The following ADNP variants were observed in gnomAD, a reference collection of about 807,000 sequenced individuals.
ADNP encodes the protein activity dependent neuroprotector homeobox.
Under a neutral mutation model 84.9 loss-of-function variants are expected in ADNP, and 4 were observed. The ratio of observed to expected loss-of-function variants is 0.05; its 90% CI spans 0.02 to 0.11. ADNP has a LOEUF of 0.11. Among genes scored for constraint, ADNP ranks in the 10% least tolerant of loss-of-function variants. The probability of loss-of-function intolerance (pLI) is 1.00; values close to 1 mark genes in which losing one functional copy is unlikely to be tolerated. For missense variants in ADNP, 1,132 were observed against 1,326.0 expected (o/e 0.85, Z 2.27); for synonymous variants, 554 against 468.1 (o/e 1.18, Z -2.37).
intron 2 of ADNP, among the ~76,000 whole-genome samples, chr20:50,909,223 G>A (rs1040852771): frequency 2.0e-5 from 3 of 151,666 alleles, no homozygotes; most frequent in Admixed American, 2.0e-4. Context: ...AATTAGCTGG[G>A]CATGGTGGCA....
chr20:50,914,514 T>G (rs1474239170), intron 2 of ADNP: 1 of 287,500 alleles, frequency 3.5e-6, no homozygotes, highest in Non-Finnish European at 6.8e-6. Context: ...TTCAAAGTCT[T>G]ATAAACATGT....
At chr20:50,907,167 C>T (rs1982564848) in intron 2 of ADNP, among the ~76,000 whole-genome samples, 1 of 151,438 alleles carries the variant, frequency 6.6e-6, no homozygotes, top group South Asian at 2.1e-4. Flanking sequence ...GGGGTTTCAC[C>T]GTTTAGCCAG....
At chr20:50,894,871 T>C (rs376428137) in intron 5 of ADNP, among the ~76,000 whole-genome samples, 4 of 152,182 alleles carry the variant, frequency 2.6e-5, no homozygotes, top group Non-Finnish European at 5.9e-5. Context: ...CACTCCAGCC[T>C]GGGCGACAAG....
intron 5 of ADNP, among the ~76,000 whole-genome samples, chr20:50,897,402 A>G (rs1981517070): frequency 6.9e-6 from 1 of 145,364 alleles, no homozygotes; most frequent in Non-Finnish European, 1.5e-5. Context: ...TCACCAGTCA[A>G]TTCCTCAGGA....
Position 50,903,991 on chromosome 20 carries a change from G to A in ADNP, c.6C>T (p.Phe2=). The change falls in exon 4 of 6, where the codon TTC becomes TTT. Residue 2 remains phenylalanine, a synonymous_variant. Coordinates refer to ENST00000621696, the MANE Select transcript of ADNP (RefSeq NM_001282531.3). ...TGCCAAGATTGTTGACAGGAAGTTG[G>A]AACATAGTTTCTATTGGAAAAAAAA... The part of the protein sequence containing the change: M[F]QLPVNNLGSL... 1.2e-6 allele frequency: 2 copies of A among 1,612,154 alleles called. No individual in the cohort carries two copies. Among genetic ancestry groups the A allele is most frequent in the South Asian group, 2.2e-5 (2 of 90,564 alleles).
At chr20:50,930,153 T>G (rs191083604) in intron 1 of ADNP, among the ~76,000 whole-genome samples, 1 of 152,176 alleles carries the variant, frequency 6.6e-6, no homozygotes, top group East Asian at 1.9e-4. Context: ...TTTGCAGCTC[T>G]CTGGATTTCC....
chr20:50,907,120 C>A (rs1982562308), intron 2 of ADNP, among the ~76,000 whole-genome samples: 3 of 148,088 alleles, frequency 2.0e-5, no homozygotes, highest in Admixed American at 2.0e-4. Flanking sequence ...GGCGCCACCA[C>A]CATGCCCAGC....
rs150900514 is a variant in ADNP at position 50,891,971 on chromosome 20, C to T, written c.2743G>A (p.Val915Ile). The change falls in exon 6 of 6, where the codon GTA becomes ATA. Residue 915 changes from valine to isoleucine, a missense_variant. Physicochemically the swap from Val to Ile is conservative, Grantham distance 29. Coordinates refer to ENST00000621696, the MANE Select transcript of ADNP (RefSeq NM_001282531.3). The stretch of plus-strand genomic sequence containing the variant: ...GATTCTGAAGCATCCTCAGGAATTA[C>T]CTTCAGTACATGTTCCTCTGGGTTA... ...NDNPEEHVLK[V>I]IPEDASESEE... 2.5e-3 allele frequency: 4,052 copies of T among 1,614,196 alleles called. 7 individuals carry two copies. The highest frequency in any genetic ancestry group is 2.7e-3 in the Non-Finnish European group (3,243 of 1,180,024).
At chr20:50,920,554 TAAAAA>T (rs577700827) in intron 2 of ADNP, among the ~76,000 whole-genome samples, 1 of 129,836 alleles carries the variant, frequency 7.7e-6, no homozygotes, top group Admixed American at 7.8e-5. Context: ...TGGACTCCAT[TAAAAA>T]AAAAAAAAAA....
intron 2 of ADNP, among the ~76,000 whole-genome samples, chr20:50,921,244 T>G (rs1397053095): frequency 6.6e-6 from 1 of 152,298 alleles, no homozygotes; most frequent in South Asian, 2.1e-4. Context: ...TCAGATGTGG[T>G]TGCCATAACA....
chr20:50,929,119 A>C (rs940480044), intron 1 of ADNP, among the ~76,000 whole-genome samples: 1 of 152,164 alleles, frequency 6.6e-6, no homozygotes, highest in Admixed American at 6.5e-5. Context: ...ACTCTCAAAG[A>C]ATTGGAAAGA....
At position 50,930,643 on chromosome 20, in the gene ADNP, C is replaced by T. The variant is rs538103266; in HGVS notation, c.-265+183G>A. On this transcript the variant is annotated intron_variant, in intron 1 of 5. Transcript: ENST00000621696. ...GAGCAGAGTCGGGTAGCGGTCCGTG[C>T]CGGGACGGGGGACCCGTCGGCGCCG... Among the ~76,000 whole-genome samples, 1,250 of 152,102 alleles carry T rather than the reference C, an allele frequency of 8.2e-3. 17 individuals carry two copies. Among genetic ancestry groups the T allele is most frequent in the African/African-American group, 0.028 (1,182 of 41,528 alleles).
chr20:50,929,510 G>A (rs1456470604), intron 1 of ADNP, among the ~76,000 whole-genome samples: 1 of 152,174 alleles, frequency 6.6e-6, no homozygotes, highest in Non-Finnish European at 1.5e-5. Flanking sequence ...GCGCTGTGAA[G>A]CACATCCTGT....
In ADNP at chr20:50,889,609, ACAGACT is replaced by A. The variant is rs1268476695; in HGVS notation, c.*1790_*1795del. On this transcript the variant is annotated 3_prime_UTR_variant, in exon 6 of 6. Transcript: ENST00000621696. ...ATTAACAAGAGTCTTTCTTTTGGAA[ACAGACT>A]CAGAAGTTATGGACATCAGCCACTT... 5 of 348,242 alleles carry A rather than the reference ACAGACT, an allele frequency of 1.4e-5. No individual in the cohort carries two copies. The highest frequency in any genetic ancestry group is 2.6e-5 in the Non-Finnish European group (5 of 194,900). The allele number at this position is 348,242 out of a possible 1,614,324, so 21.6% of individuals were successfully genotyped here.
rs945064257 is a variant in ADNP at position 50,893,781 on chromosome 20, C to T, written c.933G>A (p.Lys311=). Residue 311 remains lysine, a synonymous_variant, in exon 6 of 6, where the codon AAG becomes AAA. Coordinates refer to ENST00000621696, the MANE Select transcript of ADNP (RefSeq NM_001282531.3). This position sits in a 1 kb window ranked among gnomAD's most constrained non-coding sequence, Gnocchi z 4.4. Reference sequence around the variant, plus strand: ...TGACTCCTGTAGAATTTAAGTTAGGCTTTGGTATTGAGAGTCGATTCACCA... The same window carrying T: ...TGACTCCTGTAGAATTTAAGTTAGGTTTTGGTATTGAGAGTCGATTCACCA... ...QQMVNRLSIP[K]PNLNSTGVNM... 1.4e-5 allele frequency: 22 copies of T among 1,614,142 alleles called. No homozygotes were observed. The highest frequency in any genetic ancestry group is 1.9e-5 in the Non-Finnish European group (22 of 1,180,032).
chr20:50,913,991 T>C, intron 2 of ADNP: 2 of 749,414 alleles, frequency 2.7e-6, no homozygotes, highest in South Asian at 1.4e-5. Flanking sequence ...AATGAGACTG[T>C]AAAAGCCCTT....
intron 2 of ADNP, chr20:50,913,998 C>A (rs1233047008): frequency 2.7e-6 from 2 of 751,164 alleles, no homozygotes; most frequent in Admixed American, 3.5e-5. Flanking sequence ...CTGTAAAAGC[C>A]CTTCTGGGAA....
At chr20:50,894,900 AAAAG>A (rs1457422435) in intron 5 of ADNP, among the ~76,000 whole-genome samples, 3 of 152,214 alleles carry the variant, frequency 2.0e-5, no homozygotes, top group Non-Finnish European at 4.4e-5. Context: ...TGTCTCAAAA[AAAAG>A]CACTGATTTT....
chr20:50,916,752 A>G (rs1374582688), intron 2 of ADNP, among the ~76,000 whole-genome samples: 3 of 152,224 alleles, frequency 2.0e-5, no homozygotes, highest in Non-Finnish European at 4.4e-5. Context: ...TAGCTTGTTC[A>G]GCTGATGAGG....
Sources: allele counts gnomAD v4.1 joint callset (sites outside exome capture counted in the v4.1 genomes callset), GRCh38; gene constraint gnomAD v4.1.1; non-coding constraint Gnocchi (gnomAD v3.1); transcripts MANE v1.5; gene names NCBI Gene and HGNC (gene_info 2026-07-23, HGNC 2026-07-21).